XKR9: variants seen among roughly 807,000 people sequenced by gnomAD.
XKR9 encodes XK related 9, also known as XK-related protein 9.
Under a neutral mutation model 32.0 loss-of-function variants are expected in XKR9, and 32 were observed. That is an observed-to-expected ratio of 1.00 (90% confidence interval 0.76 to 1.34). The LOEUF (loss-of-function observed/expected upper bound fraction) is 1.34, where lower values mean the gene tolerates loss of function less well. Ranked by LOEUF, XKR9 falls within the 40% of genes most tolerant of loss-of-function variation. The probability of loss-of-function intolerance (pLI) is 0.00; values close to 1 mark genes in which losing one functional copy is unlikely to be tolerated. For missense variants in XKR9, 546 were observed against 429.7 expected, an observed-to-expected ratio of 1.27 and a Z score of -2.39; for synonymous variants, 168 against 143.4, an observed-to-expected ratio of 1.17 and a Z score of -1.22.
chr8:70,970,534 G>A, the XKR9 span, among the ~76,000 whole-genome samples: 1 of 151,902 alleles, frequency 6.6e-6, no homozygotes, highest in Non-Finnish European at 1.5e-5. Flanking sequence ...TGTTTTCATT[G>A]TTCATCTCCC....
the XKR9 span, among the ~76,000 whole-genome samples, chr8:70,915,460 T>C: frequency 6.6e-6 from 1 of 152,200 alleles, no homozygotes; most frequent in Middle Eastern, 3.2e-3. Flanking sequence ...ACAGGGCAGC[T>C]TGGAGATTAA....
the XKR9 span, among the ~76,000 whole-genome samples, chr8:70,880,677 A>G: frequency 6.6e-6 from 1 of 152,178 alleles, no homozygotes; most frequent in African/African-American, 2.4e-5. Context: ...AATCAATATC[A>G]TGAAAATGGC....
intron 4 of XKR9, among the ~76,000 whole-genome samples, chr8:70,733,275 T>C (rs1045625673): frequency 6.6e-6 from 1 of 152,120 alleles, no homozygotes; most frequent in African/African-American, 2.4e-5. Flanking sequence ...TTGTTTAATA[T>C]CTCATATTAA....
chr8:70,731,183 G>A (rs1443244274), intron 4 of XKR9, among the ~76,000 whole-genome samples: 1 of 152,186 alleles, frequency 6.6e-6, no homozygotes, highest in Non-Finnish European at 1.5e-5. Flanking sequence ...TACAGCCTAA[G>A]ACTAGTTTCA....
chr8:70,805,218 A>G, the XKR9 span, among the ~76,000 whole-genome samples: 2 of 152,158 alleles, frequency 1.3e-5, no homozygotes, highest in Non-Finnish European at 2.9e-5. Flanking sequence ...GGAGGTGGTG[A>G]GTGAGTGTGC....
chr8:71,021,865 T>G, the XKR9 span, among the ~76,000 whole-genome samples: 3 of 152,334 alleles, frequency 2.0e-5, no homozygotes, highest in South Asian at 4.1e-4. Context: ...CATTTTTATT[T>G]TTGTTACAAT....
chr8:70,765,463 C>T (rs1187902767), intron 2 of XKR9, among the ~76,000 whole-genome samples: 2 of 152,096 alleles, frequency 1.3e-5, no homozygotes, highest in African/African-American at 4.8e-5. Context: ...CTCATAAATT[C>T]TGGATATTAT....
the XKR9 span, among the ~76,000 whole-genome samples, chr8:70,989,367 A>C: frequency 1.3e-5 from 2 of 152,338 alleles, no homozygotes; most frequent in Non-Finnish European, 2.9e-5. Context: ...AATGATAAGG[A>C]ATGTATTTAA....
At chr8:70,716,956 GC>G (rs1039874043) in intron 4 of XKR9, among the ~76,000 whole-genome samples, 30 of 152,168 alleles carry the variant, frequency 2.0e-4, no homozygotes, top group African/African-American at 7.0e-4. Context: ...GGAGAATTTG[GC>G]CAAAACAAAG....
chr8:71,058,118 T>C, the XKR9 span, among the ~76,000 whole-genome samples: 2 of 152,034 alleles, frequency 1.3e-5, no homozygotes, highest in African/African-American at 2.4e-5. Flanking sequence ...GAGGCGGAGC[T>C]TGCAGTGAGC....
the XKR9 span, among the ~76,000 whole-genome samples, chr8:70,973,896 G>A: frequency 1.3e-5 from 2 of 152,082 alleles, no homozygotes; most frequent in Non-Finnish European, 2.9e-5. Flanking sequence ...GGTCTATCTT[G>A]GAGAATGTTC....
intron 2 of XKR9, among the ~76,000 whole-genome samples, chr8:70,750,361 A>G (rs911599720): frequency 1.2e-4 from 18 of 152,314 alleles, no homozygotes; most frequent in African/African-American, 4.3e-4. Context: ...TAGGAAAATC[A>G]TCTGATTCCA....
the XKR9 span, among the ~76,000 whole-genome samples, chr8:70,932,294 G>A: frequency 6.6e-6 from 1 of 152,124 alleles, no homozygotes; most frequent in African/African-American, 2.4e-5. Context: ...GCAGACCGAT[G>A]TGAGATAGGA....
the XKR9 span, among the ~76,000 whole-genome samples, chr8:71,050,285 A>G: frequency 7.4e-6 from 1 of 134,842 alleles, no homozygotes; most frequent in South Asian, 2.3e-4. Flanking sequence ...ATATAGATAT[A>G]GATATAGATA....
At chr8:70,971,153 C>CT in the XKR9 span, among the ~76,000 whole-genome samples, 9 of 152,000 alleles carry the variant, frequency 5.9e-5, no homozygotes, top group South Asian at 2.1e-4. Context: ...TTATTATAGC[C>CT]TTTTTTTGCA....
chr8:71,054,749 A>C, the XKR9 span, among the ~76,000 whole-genome samples: 1 of 152,174 alleles, frequency 6.6e-6, no homozygotes, highest in African/African-American at 2.4e-5. Flanking sequence ...AATTGAACTA[A>C]AGGGTTAAGT....
chr8:70,941,676 T>C, the XKR9 span, among the ~76,000 whole-genome samples: 3 of 152,120 alleles, frequency 2.0e-5, no homozygotes, highest in African/African-American at 7.2e-5. Context: ...TAAAACTAGA[T>C]ATAGAAGTGG....
chr8:70,822,951 T>C, the XKR9 span, among the ~76,000 whole-genome samples: 1 of 152,228 alleles, frequency 6.6e-6, no homozygotes, highest in Non-Finnish European at 1.5e-5. Context: ...CCAAATACAG[T>C]GCATAACACT....
downstream of XKR9, among the ~76,000 whole-genome samples, chr8:70,738,751 T>G (rs901770160): frequency 6.6e-6 from 1 of 152,192 alleles, no homozygotes; most frequent in African/African-American, 2.4e-5. Flanking sequence ...CAGGAGCAGG[T>G]TGTTCAGTTT....
Sources: gnomAD v4.1 joint callset for allele counts (sites outside exome capture counted in the v4.1 genomes callset) on GRCh38, gnomAD v4.1.1 for gene constraint, MANE v1.5 for transcripts, NCBI Gene and HGNC (gene_info 2026-07-23, HGNC 2026-07-21) for gene names.